The following SCP2 variants were observed in gnomAD, a reference collection of about 807,000 sequenced individuals.
The protein encoded by SCP2 is SCP-2/3-oxoacyl-CoA thiolase.
Under a neutral mutation model 71.4 loss-of-function variants are expected in SCP2, and 48 were observed. The observed-to-expected ratio is 0.67, with a 90% CI of 0.53 to 0.86. SCP2 has a LOEUF of 0.86. Among genes scored for constraint, SCP2 ranks in the 40% least tolerant of loss-of-function variants. The pLI, the probability that SCP2 is intolerant of heterozygous loss-of-function variation, is 0.00. For missense variants in SCP2, 560 were observed against 655.6 expected, an observed-to-expected ratio of 0.85 and a Z score of 1.59; for synonymous variants, 220 against 218.1, an observed-to-expected ratio of 1.01 and a Z score of -0.08.
chr1:53,040,850 C>G (rs1663370316), intron 14 of SCP2, among the ~76,000 whole-genome samples: 1 of 152,196 alleles, frequency 6.6e-6, no homozygotes, highest in South Asian at 2.1e-4. Flanking sequence ...GTCCATCTCT[C>G]TCACTTGAAT....
chr1:52,941,748 AAT>A (rs751485049), intron 1 of SCP2, 46 bp from the exon 2 acceptor site: 17 of 1,346,356 alleles, frequency 1.3e-5, no homozygotes, highest in Non-Finnish European at 1.7e-5. Context: ...AAAAAAAAAA[AAT>A]GTAACTATAC....
chr1:52,978,466 C>A, intron 9 of SCP2, 99 bp downstream of exon 9: 2 of 923,518 alleles, frequency 2.2e-6, no homozygotes, highest in Non-Finnish European at 3.4e-6. Context: ...TTTTAATTAA[C>A]TAGACATGCT....
intron 14 of SCP2, 146 bp downstream of exon 14, chr1:53,039,192 G>A: frequency 2.0e-6 from 2 of 1,004,736 alleles, no homozygotes; most frequent in South Asian, 1.4e-5. Flanking sequence ...ACAGGAACAG[G>A]TCAAAGCCAC....
chr1:53,017,702 A>C (rs1383923663), intron 12 of SCP2, among the ~76,000 whole-genome samples: 1 of 152,210 alleles, frequency 6.6e-6, no homozygotes, highest in Non-Finnish European at 1.5e-5. Context: ...GTCATATAAG[A>C]AGTTAAATTA....
chr1:52,970,369 C>T (rs1312809568), intron 6 of SCP2, among the ~76,000 whole-genome samples: 1 of 152,162 alleles, frequency 6.6e-6, no homozygotes, highest in Non-Finnish European at 1.5e-5. Flanking sequence ...CCTGTCTCAG[C>T]GTCCTGAGTC....
chr1:52,980,034 G>A (rs891987034), intron 9 of SCP2, among the ~76,000 whole-genome samples: 9 of 151,702 alleles, frequency 5.9e-5, no homozygotes, highest in Admixed American at 2.0e-4. Flanking sequence ...AATTCAGTGG[G>A]GTGATCCTGG....
chr1:52,930,922 A>G (rs930495426), intron 1 of SCP2, among the ~76,000 whole-genome samples: 6 of 152,198 alleles, frequency 3.9e-5, no homozygotes, highest in African/African-American at 1.4e-4. Flanking sequence ...TATGGGTTAT[A>G]TGCTAGAGAT....
At chr1:52,966,460 G>A (rs995993898) in intron 6 of SCP2, among the ~76,000 whole-genome samples, 2 of 151,356 alleles carry the variant, frequency 1.3e-5, no homozygotes, top group Non-Finnish European at 2.9e-5. Context: ...GGTTGATCAT[G>A]GTGTATTGCT....
At chr1:52,935,262 G>A (rs918108918) in intron 1 of SCP2, among the ~76,000 whole-genome samples, 5 of 150,382 alleles carry the variant, frequency 3.3e-5, no homozygotes, top group African/African-American at 1.2e-4. Context: ...GCAAAACTCC[G>A]TTTCAAAAAA....
rs565374397 is a variant in SCP2, at chr1:52,981,574, T to A, written c.973+1031T>A. Among the ~76,000 whole-genome samples the A allele has an allele frequency of 1.4e-4, 21 of 151,224 alleles. No homozygotes were observed. In the South Asian group the frequency reaches 3.8e-3, roughly 27 times the overall value. ...GCCTCAGCCTCCCGAGTATTACAGG[T>A]GTGCATGCTACCATGCCCAGCTAAT... is the stretch of plus-strand genomic sequence containing the variant. On this transcript the variant is annotated intron_variant, in intron 10 of 15. Coordinates refer to ENST00000371514, the MANE Select transcript of SCP2 (RefSeq NM_002979.5).
chr1:53,015,241 A>G (rs1661255597), intron 12 of SCP2, among the ~76,000 whole-genome samples, 198 bp downstream of exon 12: 1 of 152,164 alleles, frequency 6.6e-6, no homozygotes, highest in African/African-American at 2.4e-5. Flanking sequence ...ATTCTGTTGA[A>G]AAAGGACCCA....
Position 52,969,917 on chromosome 1 carries a change from T to C in SCP2, c.524-4852T>C, listed in dbSNP as rs192683296. ...CACTGTTCATTCATGTCATAGCATG[T>C]ATTAGGACCTCATTCCTTTTTACTG... is the stretch of plus-strand genomic sequence containing the variant. On this transcript the variant is annotated intron_variant, in intron 6 of 15. Transcript: ENST00000371514. 2.6e-4 allele frequency among the ~76,000 whole-genome samples: 40 copies of C among 152,324 alleles called. 1 individual carries two copies. The highest frequency in any genetic ancestry group is 8.2e-4 in the African/African-American group (34 of 41,592).
At chr1:52,956,134 C>T (rs939423578) in intron 5 of SCP2, among the ~76,000 whole-genome samples, 20 of 152,128 alleles carry the variant, frequency 1.3e-4, no homozygotes, top group Non-Finnish European at 2.4e-4. Flanking sequence ...CAAAACCCGT[C>T]TCTACTAAAA....
At chr1:53,046,941 A>G (rs543071439) in intron 14 of SCP2, among the ~76,000 whole-genome samples, 13 of 152,326 alleles carry the variant, frequency 8.5e-5, no homozygotes, top group African/African-American at 3.1e-4. Context: ...GTTTCCATGG[A>G]TAAGTAGGCT....
At chr1:52,928,217 C>T (rs912412297) in intron 1 of SCP2, among the ~76,000 whole-genome samples, 1 of 152,240 alleles carries the variant, frequency 6.6e-6, no homozygotes, top group Admixed American at 6.5e-5. Flanking sequence ...ACTTACTGTG[C>T]TCGGCAGTAC....
Position 52,980,503 on chromosome 1 carries a change from C to A in SCP2, c.933C>A (p.Asn311Lys), listed in dbSNP as rs368088577. The change falls in exon 10 of 16, where the codon AAC (asparagine) becomes AAA (lysine). Residue 311 changes from asparagine to lysine, a missense_variant. Around this residue, in one of 3 missense-constraint regions of SCP2, gnomAD observed 513 missense variants for 573.1 expected, o/e 0.90. Coordinates refer to ENST00000371514, the MANE Select transcript of SCP2 (RefSeq NM_002979.5). ...VIELHDCFST[N>K]ELLTYEALGL... Reference sequence around the variant, plus strand: ...AACTTCACGATTGCTTTTCTACCAACGAACTCCTTACTTATGAAGCACTGG... The same window carrying A: ...AACTTCACGATTGCTTTTCTACCAAAGAACTCCTTACTTATGAAGCACTGG... 13 of 1,613,844 alleles carry A rather than the reference C, an allele frequency of 8.1e-6. No individual in the cohort carries two copies. The highest frequency in any genetic ancestry group is 1.1e-5 in the Non-Finnish European group (13 of 1,179,832).
chr1:52,996,125 A>G (rs1354977985), intron 11 of SCP2: 3 of 489,360 alleles, frequency 6.1e-6, no homozygotes, highest in Non-Finnish European at 6.8e-6. Flanking sequence ...TGCCTGAAAC[A>G]CAAATCTAGA....
intron 11 of SCP2, among the ~76,000 whole-genome samples, chr1:53,008,402 C>T (rs1254766552): frequency 2.0e-5 from 3 of 152,184 alleles, no homozygotes; most frequent in Non-Finnish European, 2.9e-5. Context: ...CAAACCAAAT[C>T]CAGCAACACA....
chr1:52,968,510 TATATC>T (rs1439894501), intron 6 of SCP2, among the ~76,000 whole-genome samples: 10 of 152,210 alleles, frequency 6.6e-5, no homozygotes, highest in Non-Finnish European at 1.0e-4. Context: ...GTATAATTCT[TATATC>T]ATATAATTTA....
Sources: allele counts gnomAD v4.1 joint callset (sites outside exome capture counted in the v4.1 genomes callset), GRCh38; gene constraint gnomAD v4.1.1; regional missense constraint gnomAD v4.1.1; transcripts MANE v1.5; gene names NCBI Gene and HGNC (gene_info 2026-07-23, HGNC 2026-07-21).